ADGRG4: variants seen among roughly 807,000 people sequenced by gnomAD.
ADGRG4 encodes the protein G protein-coupled receptor 112.
In ADGRG4, 122 loss-of-function variants were observed where a neutral mutation model predicts 126.2. That is an observed-to-expected ratio of 0.97 (90% CI 0.83 to 1.12). The LOEUF is 1.12. Among genes scored for constraint, ADGRG4 ranks in the 50% most tolerant of loss-of-function variants. ADGRG4 has a pLI of 0.00. For synonymous variants in ADGRG4, 943 were observed against 838.7 expected (o/e 1.12, Z -2.15); for missense variants, 2,481 against 2,251.8 (o/e 1.10, Z -2.06).
Position 136,357,773 on chromosome X carries a change from GA to G in ADGRG4, c.6980+18del. ...ACCATACAGGTAGGAAGTAGGAACTGAGTTTATTAATAGCTGGCACATTTAG... is the reference window on the plus strand; with the variant it reads ...ACCATACAGGTAGGAAGTAGGAACTGGTTTATTAATAGCTGGCACATTTAG... On this transcript the variant is annotated intron_variant, in intron 10 of 25. Transcript: ENST00000394143. 9.3e-7 allele frequency: 1 copy of G among 1,070,952 alleles called. No homozygotes were observed. The highest frequency in any genetic ancestry group is 2.5e-4 in the Middle Eastern group (1 of 3,939). 88.3% of individuals were successfully genotyped at this position (1,070,952 alleles called of 1,213,427 possible). A position where few individuals can be genotyped will look rare whatever the true frequency, so the allele number is the denominator to read the frequency against.
At chrX:136,309,725 G>A (rs766549979) in intron 4 of ADGRG4, among the ~76,000 whole-genome samples, 1 of 111,503 alleles carries the variant, frequency 9.0e-6, no homozygotes, top group East Asian at 2.8e-4. Flanking sequence ...ATTGAAATGG[G>A]GCCTACGGGG....
intron 5 of ADGRG4, among the ~76,000 whole-genome samples, chrX:136,333,222 A>G (rs1283353736): frequency 9.0e-6 from 1 of 111,453 alleles, no homozygotes. Flanking sequence ...GTTAGACCTA[A>G]AACCATAAAA....
chrX:136,399,810 AC>A (rs2075370402), intron 20 of ADGRG4, 37 bp from the exon 21 acceptor site: 2 of 1,132,791 alleles, frequency 1.8e-6, no homozygotes, highest in Non-Finnish European at 2.4e-6. Flanking sequence ...AAAAAAAAAA[AC>A]AGACTTTACC....
chrX:136,360,473 T>C (rs1482287271), intron 11 of ADGRG4, among the ~76,000 whole-genome samples: 1 of 111,645 alleles, frequency 9.0e-6, no homozygotes. Flanking sequence ...CTGTGTGCAG[T>C]GGCTTACACC....
At chrX:136,380,395 AC>A (rs1230864653) in intron 15 of ADGRG4, among the ~76,000 whole-genome samples, 1 of 109,991 alleles carries the variant, frequency 9.1e-6, no homozygotes, top group Non-Finnish European at 1.9e-5. Flanking sequence ...CTTTTAAACA[AC>A]CTTTGGCCTT....
chrX:136,351,143 A>G (rs1452304589), intron 6 of ADGRG4, among the ~76,000 whole-genome samples: 1 of 111,766 alleles, frequency 8.9e-6, no homozygotes, highest in Non-Finnish European at 1.9e-5. Context: ...TTGGCCATTG[A>G]GTGGACTGAA....
At chrX:136,330,563 T>TA (rs762642535) in intron 5 of ADGRG4, among the ~76,000 whole-genome samples, 12 of 111,262 alleles carry the variant, frequency 1.1e-4, no homozygotes, top group Admixed American at 2.9e-4. Context: ...TTTGCTGTTA[T>TA]AAAAAAAATC....
At chrX:136,332,320 A>T (rs1362528527) in intron 5 of ADGRG4, among the ~76,000 whole-genome samples, 1 of 106,034 alleles carries the variant, frequency 9.4e-6, no homozygotes, top group East Asian at 3.0e-4. Flanking sequence ...CCATGTCCCT[A>T]CAAAGGACAT....
chrX:136,303,269 A>G (rs1275407101), intron 1 of ADGRG4, among the ~76,000 whole-genome samples: 1 of 109,138 alleles, frequency 9.2e-6, no homozygotes, highest in Non-Finnish European at 1.9e-5. Context: ...TATGGGCAAT[A>G]TAGCAAGATG....
At position 136,368,954 on chromosome X, in the gene ADGRG4, A is replaced by G. The variant is rs1426652374; in HGVS notation, c.7397-2374A>G. The stretch of plus-strand genomic sequence containing the variant: ...GCACATCACAAGCCAGACCCAGCAC[A>G]CTACTGAGCCCACACCACTGGGGGA... On this transcript the variant is annotated intron_variant, in intron 13 of 25. Transcript: ENST00000394143. Among the ~76,000 whole-genome samples, 4 of 112,489 alleles carry G rather than the reference A, an allele frequency of 3.6e-5. No homozygotes were observed. In the East Asian group the frequency reaches 1.1e-3, roughly 31 times the overall value.
At chrX:136,363,831 T>C (rs1053395126) in intron 13 of ADGRG4, among the ~76,000 whole-genome samples, 2 of 111,395 alleles carry the variant, frequency 1.8e-5, no homozygotes, top group Non-Finnish European at 3.8e-5. Flanking sequence ...ATATTTGAGA[T>C]GGAGTTTCGC....
At chrX:136,325,979 G>C (rs931486337) in intron 5 of ADGRG4, among the ~76,000 whole-genome samples, 2 of 111,905 alleles carry the variant, frequency 1.8e-5, no homozygotes, top group Non-Finnish European at 3.8e-5. Context: ...CCAGAGTGTT[G>C]GGATTACAGG....
At chrX:136,414,091 A>AAC in intron 24 of ADGRG4, 69 bp from the exon 25 acceptor site, 1 of 901,687 alleles carries the variant, frequency 1.1e-6, no homozygotes. Flanking sequence ...TATATACCAT[A>AAC]CAATTCACTA....
intron 23 of ADGRG4, among the ~76,000 whole-genome samples, chrX:136,409,061 ACAC>A (rs2075431653): frequency 9.2e-6 from 1 of 109,083 alleles, no homozygotes; most frequent in Admixed American, 9.8e-5. Flanking sequence ...ACACACACAC[ACAC>A]ACACACACAC....
At position 136,401,274 on chromosome X, in the gene ADGRG4, GA is replaced by G. The variant is rs1476221438; in HGVS notation, c.8575+1163del. ...CTCATCTTGATTCAATCAGAGGATT[GA>G]AAAATGTGGAAGAGGCTTCATGAAT... On this transcript the variant is annotated intron_variant, in intron 21 of 25. Coordinates refer to ENST00000394143, the MANE Select transcript of ADGRG4 (RefSeq NM_153834.4). 1.9e-4 allele frequency among the ~76,000 whole-genome samples: 21 copies of G among 111,721 alleles called. No individual in the cohort carries two copies. In the Admixed American group the frequency reaches 1.9e-3, roughly 10 times the overall value.
chrX:136,308,736 G>T, intron 3 of ADGRG4, 33 bp from the exon 4 acceptor site: 1 of 759,258 alleles, frequency 1.3e-6, no homozygotes, highest in South Asian at 2.1e-5. Context: ...CTGAATATCT[G>T]AGCTGGGCAT....
At chrX:136,364,404 C>T (rs1412545434) in intron 13 of ADGRG4, among the ~76,000 whole-genome samples, 2 of 111,627 alleles carry the variant, frequency 1.8e-5, no homozygotes, top group African/African-American at 6.5e-5. Context: ...CTTTACGTTG[C>T]TTTTTTCTCT....
At chrX:136,335,884 TA>T (rs1173619402) in intron 5 of ADGRG4, among the ~76,000 whole-genome samples, 1 of 111,184 alleles carries the variant, frequency 9.0e-6, no homozygotes, top group Non-Finnish European at 1.9e-5. Flanking sequence ...TGATCTTGCT[TA>T]TTTTTTTATT....
At chrX:136,384,272 G>T (rs1202010217) in intron 15 of ADGRG4, among the ~76,000 whole-genome samples, 4 of 110,414 alleles carry the variant, frequency 3.6e-5, no homozygotes, top group Non-Finnish European at 3.8e-5. Flanking sequence ...TTTTTTTACA[G>T]TCTACTTAGA....
Sources: gnomAD v4.1 joint callset for allele counts (sites outside exome capture counted in the v4.1 genomes callset) on GRCh38, gnomAD v4.1.1 for gene constraint, MANE v1.5 for transcripts, NCBI Gene and HGNC (gene_info 2026-07-23, HGNC 2026-07-21) for gene names.